The following CWC22 variants were observed in gnomAD, a reference collection of about 807,000 sequenced individuals.
The protein encoded by CWC22 is CWC22 spliceosome associated protein.
Under a neutral mutation model 117.2 loss-of-function variants are expected in CWC22, and 53 were observed. That is an observed-to-expected ratio of 0.45 (90% CI 0.36 to 0.57). The LOEUF (loss-of-function observed/expected upper bound fraction) is 0.57, where lower values mean the gene tolerates loss of function less well. CWC22 is among the 20% of genes least tolerant of loss of function. The probability of loss-of-function intolerance (pLI) is 0.00; values close to 1 mark genes in which losing one functional copy is unlikely to be tolerated. For synonymous variants in CWC22, 360 were observed against 355.6 expected (o/e 1.01, Z -0.14); for missense variants, 980 against 1,068.8 (o/e 0.92, Z 1.16).
At chr2:180,003,578 A>G (rs1687897297) in intron 1 of CWC22, among the ~76,000 whole-genome samples, 1 of 152,204 alleles carries the variant, frequency 6.6e-6, no homozygotes, top group African/African-American at 2.4e-5. Context: ...CCACAGAGAA[A>G]TTTAGCCCCT....
chr2:180,004,893 C>G (rs262277), intron 1 of CWC22, among the ~76,000 whole-genome samples: 8 of 152,024 alleles, frequency 5.3e-5, no homozygotes, highest in African/African-American at 1.9e-4. Context: ...CATCCAAGTA[C>G]TTTGGAGCAA....
chr2:179,965,945 G>C lies in CWC22; in HGVS notation c.1248C>G (p.Asp416Glu). ...LDEGDTDSNT[D>E]QDAGSSEEDE... ...CCTCTTCACTACTCCCAGCATCCTG[G>C]TCTGTGTTCGAGTCAGTATCTCCCT... Residue 416 changes from aspartate to glutamate, a missense_variant, in exon 12 of 20, where the codon GAC becomes GAG. Asp to Glu is a conservative substitution (Grantham distance 45). Transcript: ENST00000410053. 2 of 1,611,266 alleles carry C rather than the reference G, an allele frequency of 1.2e-6. No homozygotes were observed. Among genetic ancestry groups the C allele is most frequent in the Non-Finnish European group, 1.7e-6 (2 of 1,178,118 alleles).
At position 179,945,551 on chromosome 2, in the gene CWC22, C is replaced by T; in HGVS notation, c.2305G>A (p.Asp769Asn). 6.2e-7 allele frequency: 1 copy of T among 1,613,214 alleles called. No individual in the cohort carries two copies. Among genetic ancestry groups the T allele is most frequent in the Non-Finnish European group, 8.5e-7 (1 of 1,179,484 alleles). Residue 769 changes from aspartate to asparagine, a missense_variant, in exon 20 of 20, where the codon GAT becomes AAT. Physicochemically the swap from Asp to Asn is conservative, Grantham distance 23 (BLOSUM62 1). Coordinates refer to ENST00000410053, the MANE Select transcript of CWC22 (RefSeq NM_020943.3). ...CAATTTGAACCACTTGAATTTTGAT[C>T]TCTGTGTTTTTCTGACCTTCTTTCT... is the stretch of plus-strand genomic sequence containing the variant. ...ERERRSEKHR[D>N]QNSSGSNWRD...
intron 14 of CWC22, among the ~76,000 whole-genome samples, chr2:179,956,653 G>A (rs1019279224): frequency 2.0e-5 from 3 of 150,854 alleles, no homozygotes; most frequent in Admixed American, 2.0e-4. Flanking sequence ...TCCACTAAAT[G>A]TTTATAAATG....
chr2:179,954,891 T>C, intron 15 of CWC22, 66 bp downstream of exon 15: 2 of 975,680 alleles, frequency 2.0e-6, no homozygotes, highest in Non-Finnish European at 3.2e-6. Context: ...GACCAGACCA[T>C]AAAGCAGAAA....
intron 11 of CWC22, among the ~76,000 whole-genome samples, chr2:179,968,443 A>AT (rs1278071600): frequency 6.6e-6 from 1 of 152,156 alleles, no homozygotes; most frequent in African/African-American, 2.4e-5. Flanking sequence ...AGAAACAGAT[A>AT]TGAGAGTCCA....
intron 1 of CWC22, among the ~76,000 whole-genome samples, chr2:180,002,130 G>A (rs373051143): frequency 7.9e-5 from 12 of 152,306 alleles, no homozygotes; most frequent in African/African-American, 2.9e-4. Flanking sequence ...AAGTGGATGT[G>A]CCAAAGGCCA....
At position 179,981,938 on chromosome 2, in the gene CWC22, C is replaced by T. The variant is rs1264975382; in HGVS notation, c.266G>A (p.Arg89Gln). ...RERDTDRKRS[R>Q]KSPSPGRRNP... ...TCTCCTCCCAGGAGATGGGGATTTC[C>T]GAGACCTTTTCCGATCCGTATCTCT... Residue 89 changes from arginine to glutamine, a missense_variant, in exon 5 of 20, where the codon CGG becomes CAG. Physicochemically the swap from Arg to Gln is conservative, Grantham distance 43 (BLOSUM62 1). Around this residue, in one of 3 missense-constraint regions of CWC22, gnomAD observed 559 missense variants for 602.3 expected, o/e 0.93. Transcript: ENST00000410053. The T allele has an allele frequency of 2.2e-5, 35 of 1,573,394 alleles. No homozygotes were observed. The highest frequency in any genetic ancestry group is 2.7e-5 in the Non-Finnish European group (31 of 1,157,932).
chr2:179,978,095 G>A, intron 6 of CWC22, 95 bp downstream of exon 6: 1 of 1,247,848 alleles, frequency 8.0e-7, no homozygotes, highest in Non-Finnish European at 1.0e-6. Flanking sequence ...TTGAAATGAA[G>A]TAGCACAATA....
chr2:179,982,277 CA>C (rs1409302490), intron 4 of CWC22, among the ~76,000 whole-genome samples: 1 of 152,036 alleles, frequency 6.6e-6, no homozygotes, highest in Admixed American at 6.5e-5. Flanking sequence ...AAAGACTGAG[CA>C]GGGGTGTTAA....
chr2:179,960,011 T>C (rs1176921929), intron 13 of CWC22, among the ~76,000 whole-genome samples: 2 of 152,118 alleles, frequency 1.3e-5, no homozygotes, highest in South Asian at 2.1e-4. Flanking sequence ...TTCTATTCTA[T>C]GTGATTTTCT....
chr2:179,969,277 T>G (rs1222306978), intron 11 of CWC22, among the ~76,000 whole-genome samples: 1 of 152,160 alleles, frequency 6.6e-6, no homozygotes, highest in Non-Finnish European at 1.5e-5. Context: ...GCAAAATGGA[T>G]CTATGGAGTT....
At position 179,971,096 on chromosome 2, in the gene CWC22, C is replaced by A. The variant is rs1395853394; in HGVS notation, c.805-20G>T. 1 of 1,468,988 alleles carries A rather than the reference C, an allele frequency of 6.8e-7. No homozygotes were observed. The highest frequency in any genetic ancestry group is 1.4e-5 in the African/African-American group (1 of 69,806). 91.0% of individuals were successfully genotyped at this position (1,468,988 alleles called of 1,614,324 possible). On this transcript the variant is annotated intron_variant, in intron 8 of 19. Transcript: ENST00000410053. The stretch of plus-strand genomic sequence containing the variant: ...GTGTGCCTTAAATAAAATACATATA[C>A]AAGGAAGAAACAAAATGCTTTTACA...
chr2:180,003,430 G>A (rs1383154798), intron 1 of CWC22, among the ~76,000 whole-genome samples: 2 of 152,136 alleles, frequency 1.3e-5, no homozygotes, highest in Non-Finnish European at 2.9e-5. Flanking sequence ...CTGTTCCTCA[G>A]CTTGCCTAAT....
intron 19 of CWC22, among the ~76,000 whole-genome samples, chr2:179,948,872 T>C (rs1182048030): frequency 2.6e-5 from 4 of 152,206 alleles, no homozygotes; most frequent in Non-Finnish European, 5.9e-5. Context: ...TCAAATCACA[T>C]CTGTAGTCTA....
chr2:179,958,310 G>A (rs1238846678), intron 14 of CWC22, among the ~76,000 whole-genome samples: 7 of 118,660 alleles, frequency 5.9e-5, no homozygotes, highest in East Asian at 2.5e-4. Context: ...TAGCCTGGGC[G>A]ACATAGTGAG....
chr2:179,972,869 C>T (rs868231138), intron 8 of CWC22, among the ~76,000 whole-genome samples: 1 of 151,732 alleles, frequency 6.6e-6, no homozygotes, highest in South Asian at 2.1e-4. Flanking sequence ...ACTAGCCGGG[C>T]GTGGTGGCAG....
intron 19 of CWC22, among the ~76,000 whole-genome samples, chr2:179,947,909 T>C (rs539088614): frequency 7.0e-4 from 106 of 152,288 alleles, no homozygotes; most frequent in African/African-American, 2.0e-3. Context: ...ATGACATGCA[T>C]GTAGGATAAG....
intron 4 of CWC22, among the ~76,000 whole-genome samples, chr2:179,983,630 G>A (rs1687341174): frequency 6.6e-6 from 1 of 152,024 alleles, no homozygotes. Flanking sequence ...TATATACCCA[G>A]TAATGAGATT....
Sources: gnomAD v4.1 joint callset for allele counts (sites outside exome capture counted in the v4.1 genomes callset) on GRCh38, gnomAD v4.1.1 for gene constraint, gnomAD v4.1.1 regional missense constraint, MANE v1.5 for transcripts, NCBI Gene and HGNC (gene_info 2026-07-23, HGNC 2026-07-21) for gene names.